Variants in ALMS1 observed in about 807,000 individuals in gnomAD.
The protein encoded by ALMS1 is ALMS1 centrosome and basal body associated protein.
A neutral mutation model predicts 352.2 loss-of-function variants in ALMS1; 271 were observed. The ratio of observed to expected loss-of-function variants is 0.77; its 90% CI spans 0.70 to 0.85. The LOEUF (loss-of-function observed/expected upper bound fraction) is 0.85. Ranked by LOEUF, ALMS1 falls within the 40% of genes least tolerant of loss-of-function variation. The pLI is 0.00. For synonymous variants in ALMS1, 1,865 were observed against 1,761.2 expected (o/e 1.06, Z -1.48); for missense variants, 5,445 against 4,870.7 (o/e 1.12, Z -3.51).
chr2:73,482,675 C>G lies in ALMS1; in HGVS notation c.7675-6959C>G, dbSNP rs1672737068. 2.0e-5 allele frequency among the ~76,000 whole-genome samples: 3 copies of G among 152,302 alleles called. No individual in the cohort carries two copies. The East Asian group carries it at 5.8e-4, about 29-fold the overall frequency. ...ATGGTACCAGTTCCTTCTTGTACCT[C>G]TGGTAGAATTCGGCTGTTAATCCAT... On this transcript the variant is annotated intron_variant, in intron 9 of 22. Coordinates refer to ENST00000613296, the MANE Select transcript of ALMS1 (RefSeq NM_001378454.1).
rs13000150 is a variant in ALMS1, at chr2:73,545,355, A to G, written c.9908-4912A>G. Among the ~76,000 whole-genome samples, 613 of 151,944 alleles carry G rather than the reference A, an allele frequency of 4.0e-3. 1 individual carries two copies. The highest frequency in any genetic ancestry group is 6.5e-3 in the Non-Finnish European group (439 of 67,938). On this transcript the variant is annotated intron_variant, in intron 12 of 22. Coordinates refer to ENST00000613296, the MANE Select transcript of ALMS1 (RefSeq NM_001378454.1). ...ACCACCACGCCCAGCTAATTTTTGT[A>G]TTTTTAGCAGAGATGGGGTTTCACC...
At chr2:73,601,108 G>A in intron 18 of ALMS1, 87 bp from the exon 19 acceptor site, 2 of 1,599,526 alleles carry the variant, frequency 1.3e-6, no homozygotes, top group South Asian at 1.1e-5. Flanking sequence ...CTGAGAACCT[G>A]TATTATATGC....
Position 73,449,658 on chromosome 2 carries a change from C to A in ALMS1, c.3131C>A (p.Ala1044Glu), listed in dbSNP as rs1354976427. 1 of 1,613,906 alleles carries A rather than the reference C, an allele frequency of 6.2e-7. No individual in the cohort carries two copies. The highest frequency in any genetic ancestry group is 1.6e-4 in the Middle Eastern group (1 of 6,082). Residue 1044 changes from alanine to glutamate, a missense_variant, in exon 8 of 23, where the codon GCA becomes GAA. By Grantham distance (107) the Ala-to-Glu change is moderately radical (BLOSUM62 -1). Transcript: ENST00000613296. ...GPADQKTEIP[A>E]VQSSSYPQRE... Reference sequence around the variant, plus strand: ...GCTGACCAGAAGACTGAGATACCAGCAGTACAGTCTAGTTCTTACCCACAG... The same window carrying A: ...GCTGACCAGAAGACTGAGATACCAGAAGTACAGTCTAGTTCTTACCCACAG...
intron 21 of ALMS1, chr2:73,603,530 T>C (rs964567552): frequency 1.9e-5 from 10 of 528,646 alleles, no homozygotes; most frequent in African/African-American, 1.5e-4. Flanking sequence ...TTTGCATGTC[T>C]TAGGCTCCTC....
chr2:73,518,956 C>T (rs1453545166), intron 10 of ALMS1, among the ~76,000 whole-genome samples: 1 of 152,064 alleles, frequency 6.6e-6, no homozygotes, highest in African/African-American at 2.4e-5. Context: ...TTTTTGCTTT[C>T]GTTGCAATTG....
intron 11 of ALMS1, among the ~76,000 whole-genome samples, chr2:73,525,384 A>G (rs1276526881): frequency 1.3e-5 from 2 of 152,186 alleles, no homozygotes; most frequent in Non-Finnish European, 2.9e-5. Flanking sequence ...ACTAATTTAC[A>G]TTCCCAGCAA....
chr2:73,595,836 G>A (rs184396495), intron 16 of ALMS1, among the ~76,000 whole-genome samples: 16 of 152,354 alleles, frequency 1.1e-4, no homozygotes, highest in African/African-American at 3.8e-4. Context: ...TCTAGTGGGT[G>A]TGAAGTGGTA....
Position 73,508,291 on chromosome 2 carries a change from C to T in ALMS1, c.9540-11484C>T, listed in dbSNP as rs113352573. ...GATCTCGGCTTACTGCAAGCTCTGC[C>T]TCCTGGGTTCACGCCATTCTCCTGC... On this transcript the variant is annotated intron_variant, in intron 10 of 22. Transcript: ENST00000613296. Among the ~76,000 whole-genome samples the T allele has an allele frequency of 8.1e-3, 1,225 of 150,876 alleles. 15 individuals carry two copies. Among genetic ancestry groups the T allele is most frequent in the African/African-American group, 0.029 (1,171 of 40,988 alleles).
Position 73,490,611 on chromosome 2 carries a change from A to G in ALMS1, c.8652A>G (p.Gln2884=). Residue 2884 remains glutamine (Q), a synonymous_variant, in exon 10 of 23, where the codon CAA becomes CAG. Transcript: ENST00000613296. ...TTCCTTCTTGCATTTTTCTTGAACAACGAGAGCTCTTTGAACAAAGCAAAG... is the reference window on the plus strand; with the variant it reads ...TTCCTTCTTGCATTTTTCTTGAACAGCGAGAGCTCTTTGAACAAAGCAAAG... ...PDLPSCIFLE[Q]RELFEQSKAP... The G allele has an allele frequency of 1.2e-6, 2 of 1,614,200 alleles. No homozygotes were observed.
At position 73,519,825 on chromosome 2, in the gene ALMS1, C is replaced by T; in HGVS notation, c.9590C>T (p.Ser3197Leu). 2 of 1,613,874 alleles carry T rather than the reference C, an allele frequency of 1.2e-6. No individual in the cohort carries two copies. Among genetic ancestry groups the T allele is most frequent in the Non-Finnish European group, 1.7e-6 (2 of 1,179,856 alleles). The change falls in exon 11 of 23, where the codon TCA (serine) becomes TTA (leucine). Residue 3197 changes from serine to leucine, a missense_variant. By Grantham distance (145) the Ser-to-Leu change is moderately radical. Coordinates refer to ENST00000613296, the MANE Select transcript of ALMS1 (RefSeq NM_001378454.1). ...CTTTCTGCTTTCTCTGAAAAATTGTCATCTGATGCAGTCACTCAGATAACA... is the reference window on the plus strand; with the variant it reads ...CTTTCTGCTTTCTCTGAAAAATTGTTATCTGATGCAGTCACTCAGATAACA... ...TPLSAFSEKL[S>L]SDAVTQITTE... is the part of the protein sequence containing the mutation.
chr2:73,546,466 T>C (rs1252597412), intron 12 of ALMS1, among the ~76,000 whole-genome samples: 1 of 152,212 alleles, frequency 6.6e-6, no homozygotes, highest in Admixed American at 6.5e-5. Context: ...GTGGTAGGTG[T>C]TACAATTTCA....
chr2:73,548,050 A>G (rs1674357257), intron 12 of ALMS1, among the ~76,000 whole-genome samples: 1 of 152,100 alleles, frequency 6.6e-6, no homozygotes, highest in African/African-American at 2.4e-5. Flanking sequence ...ATTGAGGAAA[A>G]AGCAGATTTG....
At chr2:73,402,605 G>A (rs948877592) in intron 1 of ALMS1, among the ~76,000 whole-genome samples, 4 of 151,966 alleles carry the variant, frequency 2.6e-5, no homozygotes, top group African/African-American at 9.7e-5. Flanking sequence ...ACTGTTTTCC[G>A]CAATTGCTGC....
intron 10 of ALMS1, among the ~76,000 whole-genome samples, chr2:73,502,316 T>C (rs1252337137): frequency 6.6e-6 from 1 of 152,126 alleles, no homozygotes; most frequent in Non-Finnish European, 1.5e-5. Context: ...GATCCTCAGG[T>C]ATAAAGTCTA....
chr2:73,555,944 A>G (rs1382488709), intron 13 of ALMS1, among the ~76,000 whole-genome samples: 1 of 152,176 alleles, frequency 6.6e-6, no homozygotes, highest in Non-Finnish European at 1.5e-5. Context: ...AACTTGCAAA[A>G]CAATGCTGTA....
rs79617763 is a variant in ALMS1, at chr2:73,578,976, C to T, written c.11547+5552C>T. ...TGTCCTTTCATTTCACCTTGGAGTA[C>T]TCTCTTTATCATTCCTTATAGGGAA... On this transcript the variant is annotated intron_variant, in intron 16 of 22. Transcript: ENST00000613296. 3.8e-4 allele frequency among the ~76,000 whole-genome samples: 57 copies of T among 151,522 alleles called. No individual in the cohort carries two copies. The East Asian group carries it at 8.9e-3, about 24-fold the overall frequency.
Position 73,490,697 on chromosome 2 carries a change from A to T in ALMS1, c.8738A>T (p.Tyr2913Phe). ...HHSPSPQHQD[Y>F]VAPDLPSCIF... is the part of the protein sequence containing the mutation. ...TCTCCCTCTCCTCAACATCAGGATT[A>T]TGTAGCTCCAGACCTTCCTTCTTGC... Residue 2913 changes from tyrosine to phenylalanine, a missense_variant, in exon 10 of 23, where the codon TAT (tyrosine) becomes TTT (phenylalanine). Coordinates refer to ENST00000613296, the MANE Select transcript of ALMS1 (RefSeq NM_001378454.1). 1 of 1,614,042 alleles carries T rather than the reference A, an allele frequency of 6.2e-7. No individual in the cohort carries two copies. Among genetic ancestry groups the T allele is most frequent in the Non-Finnish European group, 8.5e-7 (1 of 1,179,996 alleles).
At chr2:73,561,011 G>A (rs1225059136) in intron 15 of ALMS1, among the ~76,000 whole-genome samples, 1 of 152,222 alleles carries the variant, frequency 6.6e-6, no homozygotes, top group African/African-American at 2.4e-5. Context: ...GGGCTAGCTT[G>A]AAGCAAGCTT....
chr2:73,558,001 C>T (rs1009972960), intron 14 of ALMS1, among the ~76,000 whole-genome samples: 1 of 152,130 alleles, frequency 6.6e-6, no homozygotes, highest in African/African-American at 2.4e-5. Flanking sequence ...TAAGCTGTAG[C>T]CATCAGCCCA....
Sources: gnomAD v4.1 joint callset for allele counts (sites outside exome capture counted in the v4.1 genomes callset) on GRCh38, gnomAD v4.1.1 for gene constraint, MANE v1.5 for transcripts, NCBI Gene and HGNC (gene_info 2026-07-23, HGNC 2026-07-21) for gene names.